Variants in IL10RB observed in about 807,000 individuals in gnomAD.
The protein encoded by IL10RB is interleukin-10 receptor subunit beta.
A neutral mutation model predicts 38.7 loss-of-function variants in IL10RB; 30 were observed. That is an observed-to-expected ratio of 0.78 (90% CI 0.58 to 1.05). The LOEUF is 1.05. IL10RB is among the 50% of genes least tolerant of loss of function. The probability of loss-of-function intolerance (pLI) is 0.00; values close to 1 mark genes in which losing one functional copy is unlikely to be tolerated. For synonymous variants in IL10RB, 142 were observed against 145.9 expected, an observed-to-expected ratio of 0.97 and a Z score of 0.19; for missense variants, 328 against 397.1, an observed-to-expected ratio of 0.83 and a Z score of 1.48.
chr21:33,301,209 A>G (rs753145101), downstream of IL10RB, among the ~76,000 whole-genome samples: 13 of 152,184 alleles, frequency 8.5e-5, 1 homozygote, highest in Non-Finnish European at 1.5e-4. Flanking sequence ...AGTAAAAAAC[A>G]AAGTCTATTT....
At position 33,296,368 on chromosome 21, in the gene IL10RB, G is replaced by T; in HGVS notation, c.*11G>T. 1.2e-6 allele frequency: 2 copies of T among 1,612,168 alleles called. No homozygotes were observed. Among genetic ancestry groups the T allele is most frequent in the Non-Finnish European group, 8.5e-7 (1 of 1,179,732 alleles). On this transcript the variant is annotated 3_prime_UTR_variant, in exon 7 of 7. Coordinates refer to ENST00000290200, the MANE Select transcript of IL10RB (RefSeq NM_000628.5). Reference sequence around the variant, plus strand: ...GGGCCCCAAAGCTAGGCTCTGAGAAGGAAACACACTCGGCTGGGCACAGTG... The same window carrying T: ...GGGCCCCAAAGCTAGGCTCTGAGAATGAAACACACTCGGCTGGGCACAGTG...
chr21:33,305,822 AT>A (rs944246778), intron 1 of IL10RB, among the ~76,000 whole-genome samples: 5 of 151,340 alleles, frequency 3.3e-5, no homozygotes, highest in Admixed American at 6.6e-5. Flanking sequence ...CTGCTGATGA[AT>A]TTTTTTTTAA....
downstream of IL10RB, among the ~76,000 whole-genome samples, chr21:33,298,569 G>A (rs8178574): frequency 0.071 from 10,770 of 152,138 alleles, 1,243 homozygotes; most frequent in African/African-American, 0.24. Flanking sequence ...AGCCAAGATC[G>A]TGCCACTGCA....
At chr21:33,269,837 T>A (rs1485305501) in intron 2 of IL10RB, among the ~76,000 whole-genome samples, 1 of 152,096 alleles carries the variant, frequency 6.6e-6, no homozygotes, top group African/African-American at 2.4e-5. Context: ...TTTTTGTATT[T>A]TTAGTAGAGA....
At chr21:33,302,796 A>G (rs568823669) in intron 1 of IL10RB, among the ~76,000 whole-genome samples, 20 of 152,316 alleles carry the variant, frequency 1.3e-4, no homozygotes, top group African/African-American at 4.8e-4. Context: ...CCACCATGGT[A>G]TACTGTCGCC....
Position 33,273,089 on chromosome 21 carries a change from G to A in IL10RB, c.174-3507G>A, listed in dbSNP as rs139964653. On this transcript the variant is annotated intron_variant, in intron 2 of 6. Transcript: ENST00000290200. The stretch of plus-strand genomic sequence containing the variant: ...CATTAGACAGTTTTGCTGTGTGAAC[G>A]TCATGCAGTGTACTTGCACAAACCT... Among the ~76,000 whole-genome samples the A allele has an allele frequency of 7.2e-3, 1,089 of 152,288 alleles. 15 individuals carry two copies. Among genetic ancestry groups the A allele is most frequent in the African/African-American group, 0.025 (1,044 of 41,556 alleles).
At chr21:33,292,992 T>C (rs990985571) in intron 6 of IL10RB, among the ~76,000 whole-genome samples, 3 of 152,214 alleles carry the variant, frequency 2.0e-5, no homozygotes, top group African/African-American at 7.2e-5. Flanking sequence ...GCGTGGAACA[T>C]GCTGCCTCCA....
chr21:33,297,088 A>G lies in IL10RB; in HGVS notation c.*731A>G. ...TGATCTGAAAATCGACCTCAACTCA[A>G]GGGTGGTCAGCTCAATGCTACACAG... On this transcript the variant is annotated 3_prime_UTR_variant, in exon 7 of 7. Coordinates refer to ENST00000290200, the MANE Select transcript of IL10RB (RefSeq NM_000628.5). 6.1e-6 allele frequency: 1 copy of G among 164,242 alleles called. No individual in the cohort carries two copies. Among genetic ancestry groups the G allele is most frequent in the South Asian group, 1.6e-4 (1 of 6,196 alleles). 10.2% of individuals were successfully genotyped at this position (164,242 alleles called of 1,614,324 possible). A position where few individuals can be genotyped will look rare whatever the true frequency, so the allele number is the denominator to read the frequency against.
chr21:33,301,117 T>C (rs2082984847), downstream of IL10RB, among the ~76,000 whole-genome samples: 1 of 152,216 alleles, frequency 6.6e-6, no homozygotes. Context: ...TGACTGGGCA[T>C]GCTGCCTCAC....
chr21:33,293,851 A>C (rs1055655072), intron 6 of IL10RB, among the ~76,000 whole-genome samples: 4 of 152,092 alleles, frequency 2.6e-5, no homozygotes, highest in African/African-American at 9.6e-5. Context: ...ACCAGCATGA[A>C]CTAAGAATCC....
At chr21:33,286,061 C>T (rs8178512) in intron 5 of IL10RB, among the ~76,000 whole-genome samples, 2,220 of 152,192 alleles carry the variant, frequency 0.015, 70 homozygotes, top group African/African-American at 0.051. Flanking sequence ...AGGCCGCCTG[C>T]GGGAATGAAA....
intron 5 of IL10RB, 81 bp from the exon 6 acceptor site, chr21:33,288,023 G>T (rs764121980): frequency 1.4e-5 from 18 of 1,318,688 alleles, no homozygotes; most frequent in Non-Finnish European, 1.9e-5. Flanking sequence ...TGTTTTCAGG[G>T]ATTGTGATGG....
chr21:33,271,558 A>G (rs1321250791), intron 2 of IL10RB, among the ~76,000 whole-genome samples: 2 of 151,998 alleles, frequency 1.3e-5, no homozygotes, highest in Admixed American at 6.6e-5. Flanking sequence ...GCAAAACCCC[A>G]TCTTTACTAA....
chr21:33,297,856 GAA>G (rs1236239529), downstream of IL10RB, among the ~76,000 whole-genome samples: 2 of 152,002 alleles, frequency 1.3e-5, no homozygotes, highest in East Asian at 3.9e-4. Context: ...AAAAAGAAAA[GAA>G]AGAGAAAAGG....
intron 6 of IL10RB, among the ~76,000 whole-genome samples, chr21:33,292,839 AATGT>A (rs1276722115): frequency 6.6e-6 from 1 of 152,180 alleles, no homozygotes; most frequent in Non-Finnish European, 1.5e-5. Flanking sequence ...CCTGGTGGGT[AATGT>A]ACCAGTCCTG....
At chr21:33,309,384 G>A (rs1010646138) in exon 2 of IL10RB, 1 of 152,176 alleles carries the variant, frequency 6.6e-6, no homozygotes, top group Admixed American at 6.5e-5. Flanking sequence ...ATAAGAAAGT[G>A]TTTACATTTG....
chr21:33,288,219 C>T lies in IL10RB; in HGVS notation c.762C>T (p.Tyr254=), dbSNP rs143116323. Residue 254 remains tyrosine, a synonymous_variant, in exon 6 of 7, where the codon TAC becomes TAT. Transcript: ENST00000290200. The stretch of plus-strand genomic sequence containing the variant: ...GGTGCGTTTACAAGAAGACAAAGTA[C>T]GCCTTCTCCCCTAGGAATTCTCTTC... ...LLWCVYKKTK[Y]AFSPRNSLPQ... 3.3e-5 allele frequency: 53 copies of T among 1,613,914 alleles called. No individual in the cohort carries two copies. The highest frequency in any genetic ancestry group is 4.0e-5 in the Non-Finnish European group (47 of 1,179,834).
At chr21:33,283,286 A>G in intron 5 of IL10RB, 45 bp downstream of exon 5, 1 of 1,589,300 alleles carries the variant, frequency 6.3e-7, no homozygotes, top group Non-Finnish European at 8.6e-7. Context: ...AAACAGCTTT[A>G]TAGACACCTG....
In IL10RB at chr21:33,266,398, C is replaced by T; in HGVS notation, c.-68C>T. ...GCTGGTTCCCGGAAGCCGCCGCGGA[C>T]AAGCTCTCCCGGGCGCGGGCGGGGG... is the stretch of plus-strand genomic sequence containing the variant. On this transcript the variant is annotated 5_prime_UTR_variant, in exon 1 of 7. Coordinates refer to ENST00000290200, the MANE Select transcript of IL10RB (RefSeq NM_000628.5). 6 of 1,510,598 alleles carry T rather than the reference C, an allele frequency of 4.0e-6. No individual in the cohort carries two copies. Among genetic ancestry groups the T allele is most frequent in the Non-Finnish European group, 4.4e-6 (5 of 1,126,254 alleles). 93.6% of individuals were successfully genotyped at this position (1,510,598 alleles called of 1,614,324 possible).
Sources: gnomAD v4.1 joint callset for allele counts (sites outside exome capture counted in the v4.1 genomes callset) on GRCh38, gnomAD v4.1.1 for gene constraint, MANE v1.5 for transcripts, NCBI Gene and HGNC (gene_info 2026-07-23, HGNC 2026-07-21) for gene names.